Variants in FRK observed in about 807,000 individuals in gnomAD.
The protein encoded by FRK is tyrosine-protein kinase FRK.
A neutral mutation model predicts 56.4 loss-of-function variants in FRK; 51 were observed. That is an observed-to-expected ratio of 0.90 (90% CI 0.72 to 1.14). The LOEUF is 1.14. FRK is among the 50% of genes most tolerant of loss of function. The probability of loss-of-function intolerance (pLI) is 0.00; values close to 1 mark genes in which losing one functional copy is unlikely to be tolerated. For synonymous variants in FRK, 245 were observed against 217.9 expected, an observed-to-expected ratio of 1.12 and a Z score of -1.10; for missense variants, 570 against 601.4, an observed-to-expected ratio of 0.95 and a Z score of 0.55.
intron 1 of FRK, among the ~76,000 whole-genome samples, chr6:116,037,229 T>G (rs1562298236): frequency 6.6e-6 from 1 of 152,210 alleles, no homozygotes; most frequent in African/African-American, 2.4e-5. Flanking sequence ...TAAGTTGCTT[T>G]AACAAATTTA....
At chr6:115,992,527 TC>T (rs1774652559) in intron 2 of FRK, among the ~76,000 whole-genome samples, 1 of 151,732 alleles carries the variant, frequency 6.6e-6, no homozygotes, top group Admixed American at 6.6e-5. Context: ...AAATTTCTTT[TC>T]TATATAAAGA....
At chr6:116,094,347 A>G in the FRK span, among the ~76,000 whole-genome samples, 1 of 152,216 alleles carries the variant, frequency 6.6e-6, no homozygotes, top group Admixed American at 6.5e-5. Flanking sequence ...TAAGGGCCAG[A>G]AAATTGACTT....
At chr6:115,948,466 C>T (rs1772553697) in intron 5 of FRK, among the ~76,000 whole-genome samples, 1 of 152,162 alleles carries the variant, frequency 6.6e-6, no homozygotes, top group African/African-American at 2.4e-5. Context: ...CTGCTTTAAG[C>T]CACTAAGTTT....
At chr6:115,983,801 T>C (rs1774294411) in intron 2 of FRK, among the ~76,000 whole-genome samples, 1 of 152,134 alleles carries the variant, frequency 6.6e-6, no homozygotes, top group South Asian at 2.1e-4. Flanking sequence ...CCAGCCTCAC[T>C]GTCCATCTTC....
At chr6:115,958,751 GAAAGAAAGAAAGAAAGA>G (rs1247844426) in intron 4 of FRK, among the ~76,000 whole-genome samples, 5 of 20,734 alleles carry the variant, frequency 2.4e-4, no homozygotes, top group African/African-American at 6.8e-4. Context: ...AAGAAAGAAA[GAAAGAAAGAAAGAAAGA>G]GGGGGGGGAA....
chr6:116,053,984 T>A (rs1235823747), intron 1 of FRK, among the ~76,000 whole-genome samples: 1 of 152,036 alleles, frequency 6.6e-6, no homozygotes, highest in Non-Finnish European at 1.5e-5. Flanking sequence ...ATAGTTGAAT[T>A]GGTTGCTCTT....
At chr6:116,096,949 G>A in the FRK span, among the ~76,000 whole-genome samples, 58,254 of 151,946 alleles carry the variant, frequency 0.38, 12,309 homozygotes, top group East Asian at 0.77. Context: ...AACCAACTAC[G>A]GACACAAAAG....
intron 2 of FRK, among the ~76,000 whole-genome samples, chr6:115,991,596 T>C (rs568343327): frequency 6.6e-6 from 1 of 151,712 alleles, no homozygotes; most frequent in Admixed American, 6.6e-5. Context: ...TGTTGAATCA[T>C]CCTCCATTTA....
At chr6:116,021,391 A>G (rs969934312) in intron 1 of FRK, among the ~76,000 whole-genome samples, 9 of 152,170 alleles carry the variant, frequency 5.9e-5, no homozygotes, top group Non-Finnish European at 1.3e-4. Flanking sequence ...ATATATGATC[A>G]ATATGTCAAA....
In FRK at chr6:115,940,701, T is replaced by C. The variant is rs566309435; in HGVS notation, c.*1713A>G. On this transcript the variant is annotated 3_prime_UTR_variant, in exon 8 of 8. Transcript: ENST00000606080. Reference sequence around the variant, plus strand: ...AACAGACACATTTCAAAAGAAGATATTTATGCAGCCAACAGACATATGAAA... The same window carrying C: ...AACAGACACATTTCAAAAGAAGATACTTATGCAGCCAACAGACATATGAAA... 1 of 152,264 alleles carries C rather than the reference T, an allele frequency of 6.6e-6. No homozygotes were observed. Among genetic ancestry groups the C allele is most frequent in the South Asian group, 2.1e-4 (1 of 4,828 alleles). 9.4% of individuals were successfully genotyped at this position (152,264 alleles called of 1,614,324 possible). A position where few individuals can be genotyped will look rare whatever the true frequency, so the allele number is the denominator to read the frequency against.
Position 115,980,873 on chromosome 6 carries a change from C to A in FRK, c.467-12134G>T, listed in dbSNP as rs375794687. ...GCCTTACCTGCCAGAGAACCCCTGGCTAAACTGATTTCTAAACTGTGATAA... is the reference window on the plus strand; with the variant it reads ...GCCTTACCTGCCAGAGAACCCCTGGATAAACTGATTTCTAAACTGTGATAA... On this transcript the variant is annotated intron_variant, in intron 2 of 7. Coordinates refer to ENST00000606080, the MANE Select transcript of FRK (RefSeq NM_002031.3). 1.3e-3 allele frequency among the ~76,000 whole-genome samples: 192 copies of A among 152,224 alleles called. 1 individual carries two copies. Among genetic ancestry groups the A allele is most frequent in the Middle Eastern group, 6.8e-3 (2 of 294 alleles).
intron 4 of FRK, among the ~76,000 whole-genome samples, chr6:115,958,660 G>GA (rs1336620772): frequency 4.2e-4 from 1 of 2,408 alleles, no homozygotes; most frequent in African/African-American, 1.7e-3. Context: ...AAGAAAGAAA[G>GA]AAAGAAAGAA....
At position 115,942,392 on chromosome 6, in the gene FRK, A is replaced by G. The variant is rs746440640; in HGVS notation, c.*22T>C. The G allele has an allele frequency of 9.5e-6, 15 of 1,570,800 alleles. No individual in the cohort carries two copies. Among genetic ancestry groups the G allele is most frequent in the Middle Eastern group, 1.7e-4 (1 of 5,722 alleles). On this transcript the variant is annotated 3_prime_UTR_variant, in exon 8 of 8. Coordinates refer to ENST00000606080, the MANE Select transcript of FRK (RefSeq NM_002031.3). ...TTTGAATTTGTTTTGCTACTTTATTATTTGATATTCTTCTCCAGTGTTCAT... is the reference window on the plus strand; with the variant it reads ...TTTGAATTTGTTTTGCTACTTTATTGTTTGATATTCTTCTCCAGTGTTCAT...
chr6:116,010,378 G>A (rs1358531327), intron 1 of FRK, among the ~76,000 whole-genome samples: 1 of 152,096 alleles, frequency 6.6e-6, no homozygotes, highest in Admixed American at 6.5e-5. Flanking sequence ...ACTTTAAAAT[G>A]TATTTAAATA....
chr6:116,072,469 CAT>C, the FRK span, among the ~76,000 whole-genome samples: 1 of 151,592 alleles, frequency 6.6e-6, no homozygotes, highest in African/African-American at 2.4e-5. Flanking sequence ...TAAGCAAAGA[CAT>C]ATGATTTGCT....
chr6:116,053,880 G>A (rs1362041976), intron 1 of FRK, among the ~76,000 whole-genome samples: 1 of 151,912 alleles, frequency 6.6e-6, no homozygotes, highest in East Asian at 1.9e-4. Context: ...CACTTCACTG[G>A]TTCTCAAAGG....
At chr6:116,039,042 A>G (rs1776607697) in intron 1 of FRK, 2 of 754,476 alleles carry the variant, frequency 2.7e-6, no homozygotes, top group Admixed American at 3.4e-5. Flanking sequence ...GGGCACTCAG[A>G]GAGTAGGCAT....
chr6:116,086,862 C>G, the FRK span, among the ~76,000 whole-genome samples: 3 of 152,260 alleles, frequency 2.0e-5, no homozygotes, highest in Middle Eastern at 0.01. Flanking sequence ...GTGAACAAGA[C>G]GAAGTCCCCA....
Position 115,942,483 on chromosome 6 carries a change from C to T in FRK, c.1449G>A (p.Leu483=), listed in dbSNP as rs766247435. ...EPKERPTFET[L]RWKLEDYFET... ...CAAAATAGTCTTCAAGTTTCCAACG[C>T]AGTGTCTCAAATGTAGGTCGTTCCT... The change falls in exon 8 of 8, where the codon CTG becomes CTA. Residue 483 remains leucine (L), a synonymous_variant. Coordinates refer to ENST00000606080, the MANE Select transcript of FRK (RefSeq NM_002031.3). 2.4e-5 allele frequency: 39 copies of T among 1,613,632 alleles called. No individual in the cohort carries two copies. Among genetic ancestry groups the T allele is most frequent in the Non-Finnish European group, 3.3e-5 (39 of 1,179,764 alleles).
Sources: gnomAD v4.1 joint callset for allele counts (sites outside exome capture counted in the v4.1 genomes callset) on GRCh38, gnomAD v4.1.1 for gene constraint, MANE v1.5 for transcripts, NCBI Gene and HGNC (gene_info 2026-07-23, HGNC 2026-07-21) for gene names.